Variants in LMO7 observed in about 807,000 individuals in gnomAD.
LMO7 encodes LIM domain 7.
LMO7 carries 120 observed loss-of-function variants against 206.5 expected under a neutral mutation model. The ratio of observed to expected loss-of-function variants is 0.58; its 90% CI spans 0.50 to 0.68. LMO7 has a LOEUF of 0.68. LMO7 is among the 30% of genes least tolerant of loss of function. The pLI is 0.00. For missense variants in LMO7, 1,959 were observed against 1,957.9 expected (o/e 1.00, Z -0.01); for synonymous variants, 706 against 681.5 (o/e 1.04, Z -0.56).
At chr13:75,666,868 A>G (rs1199905043) in intron 1 of LMO7, among the ~76,000 whole-genome samples, 6 of 152,194 alleles carry the variant, frequency 3.9e-5, no homozygotes, top group African/African-American at 1.2e-4. Flanking sequence ...CCAAACAGCT[A>G]TTGCTGGAAT....
chr13:75,632,804 A>C (rs1014320115), upstream of LMO7, among the ~76,000 whole-genome samples: 9 of 151,434 alleles, frequency 5.9e-5, no homozygotes, highest in African/African-American at 7.3e-5. Context: ...TAGAATTTTA[A>C]AATTTTGTGT....
intron 2 of LMO7, chr13:75,626,669 C>G (rs1019179064): frequency 6.7e-6 from 1 of 149,142 alleles, no homozygotes; most frequent in Non-Finnish European, 1.5e-5. Flanking sequence ...ACTGTGACAT[C>G]TACCTCCCAG....
chr13:75,702,351 A>T (rs2042340274), intron 1 of LMO7, among the ~76,000 whole-genome samples: 1 of 152,188 alleles, frequency 6.6e-6, no homozygotes, highest in Non-Finnish European at 1.5e-5. Flanking sequence ...AAGTTGGGGT[A>T]GCAGGCAGAA....
At chr13:75,625,415 AAGTGTGTGTGCATGTG>A (rs936030962) in intron 2 of LMO7, among the ~76,000 whole-genome samples, 63 of 140,914 alleles carry the variant, frequency 4.5e-4, no homozygotes, top group Non-Finnish European at 8.4e-4. Context: ...CAGAAGATGC[AAGTGTGTGTGCATGTG>A]TGTGTGTGTG....
At chr13:75,805,148 G>A (rs1002937433) in intron 8 of LMO7, 36 of 1,121,780 alleles carry the variant, frequency 3.2e-5, no homozygotes, top group South Asian at 1.0e-4. Context: ...ATGGACTGAC[G>A]AGGTCAGAAA....
chr13:75,629,051 G>C (rs956512610), intron 2 of LMO7, among the ~76,000 whole-genome samples: 15 of 152,220 alleles, frequency 9.9e-5, no homozygotes, highest in Admixed American at 9.8e-4. Flanking sequence ...TTCTACTACA[G>C]GGAAACTGCT....
chr13:75,834,196 C>T, intron 16 of LMO7, 30 bp from the exon 17 acceptor site: 1 of 1,527,580 alleles, frequency 6.5e-7, no homozygotes, highest in East Asian at 2.4e-5. Flanking sequence ...ATTTTTTTCC[C>T]CAATTGGTTA....
intron 2 of LMO7, among the ~76,000 whole-genome samples, chr13:75,725,621 T>G (rs906961251): frequency 1.3e-5 from 2 of 152,050 alleles, no homozygotes; most frequent in Non-Finnish European, 2.9e-5. Flanking sequence ...AGCTAGTGAT[T>G]AAGAAAAAAA....
At chr13:75,633,351 G>A (rs1317354652), upstream of LMO7, among the ~76,000 whole-genome samples, 1 of 152,080 alleles carries the variant, frequency 6.6e-6, no homozygotes, top group African/African-American at 2.4e-5. Flanking sequence ...TTTTCTAAAC[G>A]GACCCACAGA....
At chr13:75,732,959 C>G (rs1450975694) in intron 3 of LMO7, among the ~76,000 whole-genome samples, 4 of 152,198 alleles carry the variant, frequency 2.6e-5, no homozygotes, top group African/African-American at 9.6e-5. Flanking sequence ...ACCGCGAATG[C>G]TGCTGTCTGA....
intron 4 of LMO7, among the ~76,000 whole-genome samples, chr13:75,782,227 T>C (rs1341259848): frequency 6.6e-6 from 1 of 152,348 alleles, no homozygotes; most frequent in East Asian, 1.9e-4. Context: ...ACTATGAGCT[T>C]CACTGTCATA....
chr13:75,742,456 C>G (rs1294923185), intron 3 of LMO7, among the ~76,000 whole-genome samples: 1 of 152,192 alleles, frequency 6.6e-6, no homozygotes, highest in Non-Finnish European at 1.5e-5. Flanking sequence ...AGGCATCATA[C>G]TACCTGACCT....
At chr13:75,792,307 C>T (rs1374683793) in intron 4 of LMO7, among the ~76,000 whole-genome samples, 2 of 152,100 alleles carry the variant, frequency 1.3e-5, no homozygotes, top group South Asian at 2.1e-4. Flanking sequence ...AGGAAATTTC[C>T]TTCTAATCTA....
At chr13:75,690,318 T>TG (rs1216476005) in intron 1 of LMO7, among the ~76,000 whole-genome samples, 4 of 152,058 alleles carry the variant, frequency 2.6e-5, no homozygotes, top group South Asian at 2.1e-4. Context: ...TGGTCCAGGC[T>TG]GGGGGGTCTT....
intron 3 of LMO7, among the ~76,000 whole-genome samples, chr13:75,752,108 A>G (rs1448158023): frequency 1.3e-5 from 2 of 152,068 alleles, no homozygotes; most frequent in East Asian, 1.9e-4. Context: ...ATGCAACAGC[A>G]CTTGTTAAAG....
At position 75,745,983 on chromosome 13, in the gene LMO7, G is replaced by A. The variant is rs186522960; in HGVS notation, c.211-14949G>A. Among the ~76,000 whole-genome samples the A allele has an allele frequency of 2.8e-4, 43 of 152,196 alleles. 1 individual carries two copies. Among genetic ancestry groups the A allele is most frequent in the African/African-American group, 9.2e-4 (38 of 41,512 alleles). On this transcript the variant is annotated intron_variant, in intron 3 of 30. Transcript: ENST00000377534. ...AATAAATCTCTTTCAATATATATCC[G>A]GTTGATCCTCTTTCTCCTGAGAACC...
At chr13:75,760,460 G>T in intron 3 of LMO7, 3 of 1,186,356 alleles carry the variant, frequency 2.5e-6, no homozygotes, top group Non-Finnish European at 2.1e-6. Context: ...TCTGTAATTT[G>T]TAATCATAGA....
chr13:75,654,876 C>CTTTTTT (rs60476451), intron 1 of LMO7, among the ~76,000 whole-genome samples: 2 of 141,152 alleles, frequency 1.4e-5, no homozygotes, highest in Non-Finnish European at 1.5e-5. Context: ...TCTCTTCTCT[C>CTTTTTT]TTTTTTTTTT....
intron 29 of LMO7, among the ~76,000 whole-genome samples, chr13:75,856,251 A>G (rs2060932270): frequency 6.6e-6 from 1 of 151,998 alleles, no homozygotes; most frequent in Non-Finnish European, 1.5e-5. Context: ...CAATCAGCAA[A>G]TTATTTCTAT....
Sources: allele counts gnomAD v4.1 joint callset (sites outside exome capture counted in the v4.1 genomes callset), GRCh38; gene constraint gnomAD v4.1.1; transcripts MANE v1.5; gene names NCBI Gene and HGNC (gene_info 2026-07-23, HGNC 2026-07-21).